Variants in ZNF585A observed in about 807,000 individuals in gnomAD.
The protein encoded by ZNF585A is zinc finger protein 585A.
In ZNF585A, 9 loss-of-function variants were observed where a neutral mutation model predicts 14.9. The ratio of observed to expected loss-of-function variants is 0.60; its 90% CI spans 0.36 to 1.05. The LOEUF is 1.05. Ranked by LOEUF, ZNF585A falls within the 50% of genes least tolerant of loss-of-function variation. The pLI, the probability that ZNF585A is intolerant of heterozygous loss-of-function variation, is 0.01. For synonymous variants in ZNF585A, 276 were observed against 319.9 expected (o/e 0.86, Z 1.46); for missense variants, 726 against 926.4 (o/e 0.78, Z 2.81).
intron 2 of ZNF585A, among the ~76,000 whole-genome samples, chr19:37,164,716 C>T (rs949235430): frequency 1.3e-5 from 2 of 152,202 alleles, no homozygotes; most frequent in Non-Finnish European, 2.9e-5. Flanking sequence ...GTGTCACTGT[C>T]ACCTAGGCTG....
In ZNF585A at chr19:37,155,930, A is replaced by G. The variant is rs767603608; in HGVS notation, c.227T>C (p.Val76Ala). 3.0e-5 allele frequency: 49 copies of G among 1,612,860 alleles called. No homozygotes were observed. Among genetic ancestry groups the G allele is most frequent in the Non-Finnish European group, 4.2e-5 (49 of 1,179,994 alleles). ...VGYQVPEAEV[V>A]MLEQGKEPWA... ...TGGTTCCTTTCCTTGCTCCAACATGACCACCTCTGCTTCAGGAACTTGATA... is the reference window on the plus strand; with the variant it reads ...TGGTTCCTTTCCTTGCTCCAACATGGCCACCTCTGCTTCAGGAACTTGATA... Residue 76 changes from valine (V) to alanine (A), a missense_variant, in exon 4 of 5, where the codon GTC becomes GCC. By Grantham distance (64) the Val-to-Ala change is moderately conservative (BLOSUM62 0). This residue lies in a region of ZNF585A where 483 missense variants were observed against 542.8 expected (regional missense o/e 0.89). Coordinates refer to ENST00000292841, the MANE Select transcript of ZNF585A (RefSeq NM_001288800.2).
chr19:37,156,912 G>T (rs1324241998), intron 2 of ZNF585A, among the ~76,000 whole-genome samples: 1 of 152,134 alleles, frequency 6.6e-6, no homozygotes, highest in East Asian at 1.9e-4. Flanking sequence ...GGCTGGTCTT[G>T]AACTGCTGAC....
At chr19:37,163,569 A>G (rs1323443573) in intron 2 of ZNF585A, among the ~76,000 whole-genome samples, 1 of 152,084 alleles carries the variant, frequency 6.6e-6, no homozygotes, top group African/African-American at 2.4e-5. Context: ...GGAAATAAAG[A>G]TATTTTTTAA....
chr19:37,152,170 G>A lies in ZNF585A; in HGVS notation c.1729C>T (p.Pro577Ser). 6.2e-7 allele frequency: 1 copy of A among 1,608,896 alleles called. No individual in the cohort carries two copies. The highest frequency in any genetic ancestry group is 8.5e-7 in the Non-Finnish European group (1 of 1,176,688). The change falls in exon 5 of 5, where the codon CCC becomes TCC. Residue 577 changes from proline (P) to serine (S), a missense_variant. Pro to Ser is a moderately conservative substitution (Grantham distance 74, BLOSUM62 -1). Transcript: ENST00000292841. ...CTTCCACACTCAGTGCATACATAGG[G>A]TTTCTCTCCTGTATGAATTTTCTGA... The part of the protein sequence containing the change: ...VHQKIHTGEK[P>S]YVCTECGRAF...
chr19:37,160,970 C>T (rs1972005084), intron 2 of ZNF585A, among the ~76,000 whole-genome samples: 1 of 151,976 alleles, frequency 6.6e-6, no homozygotes. Flanking sequence ...TGGGCTCAAG[C>T]GATCCTCCTG....
Position 37,149,470 on chromosome 19 carries a change from T to A in ZNF585A, c.*2119A>T, listed in dbSNP as rs1171394775. 1.3e-5 allele frequency: 2 copies of A among 152,192 alleles called. No homozygotes were observed. The highest frequency in any genetic ancestry group is 2.9e-5 in the Non-Finnish European group (2 of 68,026). The allele number at this position is 152,192 out of a possible 1,614,324, so 9.4% of individuals were successfully genotyped here. A position where few individuals can be genotyped will look rare whatever the true frequency, so the allele number is the denominator to read the frequency against. On this transcript the variant is annotated 3_prime_UTR_variant, in exon 5 of 5. Coordinates refer to ENST00000292841, the MANE Select transcript of ZNF585A (RefSeq NM_001288800.2). Reference sequence around the variant, plus strand: ...TGAGGCTTGGGCATACAGAGGATAGTCAGATGCTTATGTTGACTGATGACT... The same window carrying A: ...TGAGGCTTGGGCATACAGAGGATAGACAGATGCTTATGTTGACTGATGACT...
intron 2 of ZNF585A, chr19:37,165,603 T>C (rs1375590477): frequency 1.0e-6 from 1 of 980,434 alleles, no homozygotes; most frequent in African/African-American, 1.8e-5. Context: ...ACTAGGCTAT[T>C]GTTTTCTTCT....
At chr19:37,156,438 C>T in intron 2 of ZNF585A, 83 bp from the exon 3 acceptor site, 2 of 1,477,244 alleles carry the variant, frequency 1.4e-6, no homozygotes. Context: ...GAATACAGGT[C>T]TTGTTGTTTT....
Position 37,155,061 on chromosome 19 carries a change from C to T in ZNF585A, c.292+804G>A, listed in dbSNP as rs1196620874. ...TGTCGCCCAGGCTGGAGTGCAGTGG[C>T]GCGATCTCGGCTCACTGCAAGCTCT... On this transcript the variant is annotated intron_variant, in intron 4 of 4. Transcript: ENST00000292841. Among the ~76,000 whole-genome samples the T allele has an allele frequency of 4.9e-5, 7 of 142,164 alleles. No individual in the cohort carries two copies. The East Asian group carries it at 8.4e-4, about 17-fold the overall frequency. 93.3% of individuals were successfully genotyped at this position (142,164 alleles called of 152,430 possible).
rs1182612021 is a variant in ZNF585A at position 37,153,252 on chromosome 19, C to T, written c.647G>A (p.Cys216Tyr). ...AGAGAAGCCTTTCCCACACTGGCTG[C>T]ATTCATAGAGTTTCTCTCCGGTATG... ...RIHTGEKLYECSQCGKGFSYN... is the reference protein window; with the variant it reads ...RIHTGEKLYEYSQCGKGFSYN... Residue 216 changes from cysteine to tyrosine, a missense_variant, in exon 5 of 5, where the codon TGC (cysteine) becomes TAC (tyrosine). This residue lies in a region of ZNF585A where 483 missense variants were observed against 542.8 expected (regional missense o/e 0.89). Coordinates refer to ENST00000292841, the MANE Select transcript of ZNF585A (RefSeq NM_001288800.2). 4 of 1,614,162 alleles carry T rather than the reference C, an allele frequency of 2.5e-6. No individual in the cohort carries two copies. The highest frequency in any genetic ancestry group is 3.3e-5 in the Admixed American group (2 of 60,024).
At chr19:37,154,239 G>C (rs938308997) in intron 4 of ZNF585A, among the ~76,000 whole-genome samples, 5 of 152,120 alleles carry the variant, frequency 3.3e-5, no homozygotes, top group Admixed American at 2.0e-4. Context: ...TAACACCATG[G>C]ACAGATGTGG....
chr19:37,170,056 T>C lies in ZNF585A; in HGVS notation c.-144-2A>G, dbSNP rs1461870158. On this transcript the variant is annotated splice_acceptor_variant, in intron 1 of 4. Coordinates refer to ENST00000292841, the MANE Select transcript of ZNF585A (RefSeq NM_001288800.2). LOFTEE classifies it low-confidence loss of function (5UTR_SPLICE). The stretch of plus-strand genomic sequence containing the variant: ...GGCTCCCCAGAGACACCCAGAAACC[T>C]GGAAAGACAATGTTCCCATAGTCAG... The C allele has an allele frequency of 8.4e-6, 7 of 837,484 alleles. No individual in the cohort carries two copies. Among genetic ancestry groups the C allele is most frequent in the Non-Finnish European group, 1.3e-5 (7 of 547,006 alleles). 51.9% of individuals were successfully genotyped at this position (837,484 alleles called of 1,614,324 possible).
In ZNF585A at chr19:37,149,739, A is replaced by C. The variant is rs1971794458; in HGVS notation, c.*1850T>G. ...TACTCATGTAGTAGACAGGAAGCCC[A>C]GCTTGTGGTCTCCTGAGATCTCCAG... On this transcript the variant is annotated 3_prime_UTR_variant, in exon 5 of 5. Transcript: ENST00000292841. 1 of 152,236 alleles carries C rather than the reference A, an allele frequency of 6.6e-6. No individual in the cohort carries two copies. Among genetic ancestry groups the C allele is most frequent in the Admixed American group, 6.5e-5 (1 of 15,276 alleles). 9.4% of individuals were successfully genotyped at this position (152,236 alleles called of 1,614,324 possible).
At position 37,148,801 on chromosome 19, in the gene ZNF585A, T is replaced by C. The variant is rs1415569580; in HGVS notation, c.*2788A>G. On this transcript the variant is annotated 3_prime_UTR_variant, in exon 5 of 5. Coordinates refer to ENST00000292841, the MANE Select transcript of ZNF585A (RefSeq NM_001288800.2). The stretch of plus-strand genomic sequence containing the variant: ...GGTGAATAAATAAACATCCAGACGA[T>C]GGAACATAATTTGGCTCTAAAAAGA... 2 of 152,238 alleles carry C rather than the reference T, an allele frequency of 1.3e-5. No homozygotes were observed. The highest frequency in any genetic ancestry group is 2.1e-4 in the South Asian group (1 of 4,820). The allele number at this position is 152,238 out of a possible 1,614,324, so 9.4% of individuals were successfully genotyped here.
intron 2 of ZNF585A, chr19:37,165,560 T>C (rs894722726): frequency 5.0e-6 from 4 of 804,512 alleles, no homozygotes; most frequent in Non-Finnish European, 6.0e-6. Flanking sequence ...GCTGAGAACA[T>C]AGCAGTTGTT....
rs1464379330 is a variant in ZNF585A at position 37,170,049 on chromosome 19, A to G, written c.-139T>C. The stretch of plus-strand genomic sequence containing the variant: ...GCCCAGGGGCTCCCCAGAGACACCC[A>G]GAAACCTGGAAAGACAATGTTCCCA... On this transcript the variant is annotated 5_prime_UTR_variant, in exon 2 of 5. Transcript: ENST00000292841. 3 of 894,196 alleles carry G rather than the reference A, an allele frequency of 3.4e-6. No individual in the cohort carries two copies. The highest frequency in any genetic ancestry group is 2.3e-4 in the Middle Eastern group (1 of 4,420). 55.4% of individuals were successfully genotyped at this position (894,196 alleles called of 1,614,324 possible).
At chr19:37,160,053 C>A (rs1971989642) in intron 2 of ZNF585A, among the ~76,000 whole-genome samples, 2 of 152,068 alleles carry the variant, frequency 1.3e-5, no homozygotes, top group South Asian at 4.1e-4. Flanking sequence ...GAAAAAGAGG[C>A]CAGACATGGT....
At position 37,147,512 on chromosome 19, in the gene ZNF585A, G is replaced by T. The variant is rs1383317088; in HGVS notation, c.*4077C>A. The T allele has an allele frequency of 6.6e-6, 1 of 152,014 alleles. No homozygotes were observed. Among genetic ancestry groups the T allele is most frequent in the African/African-American group, 2.4e-5 (1 of 41,392 alleles). 9.4% of individuals were successfully genotyped at this position (152,014 alleles called of 1,614,324 possible). Reference sequence around the variant, plus strand: ...CATTAAATGCAACTACGTGAAAGTAGAAATAACCAAAATATTATGTGAAAG... The same window carrying T: ...CATTAAATGCAACTACGTGAAAGTATAAATAACCAAAATATTATGTGAAAG... On this transcript the variant is annotated 3_prime_UTR_variant, in exon 5 of 5. Coordinates refer to ENST00000292841, the MANE Select transcript of ZNF585A (RefSeq NM_001288800.2).
At chr19:37,162,277 C>A (rs567189186) in intron 2 of ZNF585A, among the ~76,000 whole-genome samples, 4 of 152,130 alleles carry the variant, frequency 2.6e-5, no homozygotes. Context: ...TAATTGTGTT[C>A]GGAGATTACA....
Sources: allele counts gnomAD v4.1 joint callset (sites outside exome capture counted in the v4.1 genomes callset), GRCh38; gene constraint gnomAD v4.1.1; regional missense constraint gnomAD v4.1.1; transcripts MANE v1.5; gene names NCBI Gene and HGNC (gene_info 2026-07-23, HGNC 2026-07-21).